BRK1: variants seen among roughly 807,000 people sequenced by gnomAD.
BRK1 encodes BRICK1 subunit of SCAR/WAVE actin nucleating complex.
BRK1 carries 6 observed loss-of-function variants against 9.9 expected under a neutral mutation model. The observed-to-expected ratio is 0.60, with a 90% CI of 0.33 to 1.19. The LOEUF (loss-of-function observed/expected upper bound fraction) is 1.19, where lower values mean the gene tolerates loss of function less well. BRK1 is among the 50% of genes most tolerant of loss of function. The pLI, the probability that BRK1 is intolerant of heterozygous loss-of-function variation, is 0.04. For synonymous variants in BRK1, 44 were observed against 31.9 expected, an observed-to-expected ratio of 1.38 and a Z score of -1.28; for missense variants, 62 against 97.5, an observed-to-expected ratio of 0.64 and a Z score of 1.53.
In BRK1 at chr3:10,115,740, C is replaced by T. The variant is rs946696831; in HGVS notation, c.39C>T (p.His13=). The T allele has an allele frequency of 1.2e-6, 2 of 1,613,228 alleles. No homozygotes were observed. The highest frequency in any genetic ancestry group is 1.7e-5 in the Admixed American group (1 of 59,968). ...GQEDPVQREI[H]QDWANREYIE... Reference sequence around the variant, plus strand: ...AGGATCCGGTGCAGCGGGAGATTCACCAGGACTGGGCTAACCGGGAGTACA... The same window carrying T: ...AGGATCCGGTGCAGCGGGAGATTCATCAGGACTGGGCTAACCGGGAGTACA... Residue 13 remains histidine, a synonymous_variant, in exon 1 of 3, where the codon CAC becomes CAT. Transcript: ENST00000530758.
intron 1 of BRK1, among the ~76,000 whole-genome samples, chr3:10,122,530 A>AC (rs1238872379): frequency 6.7e-6 from 1 of 150,106 alleles, no homozygotes; most frequent in Non-Finnish European, 1.5e-5. Context: ...ACAAAGTGAG[A>AC]CCCCCATATC....
chr3:10,125,795 G>A lies in BRK1; in HGVS notation c.201+87G>A, dbSNP rs1695831490. On this transcript the variant is annotated intron_variant, in intron 2 of 2. Transcript: ENST00000530758. ...AACCTGAAAGCAGAAACAGTCTTAGGAAACTTAAGCACTGGCCGGACATGG... is the reference window on the plus strand; with the variant it reads ...AACCTGAAAGCAGAAACAGTCTTAGAAAACTTAAGCACTGGCCGGACATGG... The A allele has an allele frequency of 3.9e-6, 4 of 1,029,538 alleles. No homozygotes were observed. The East Asian group carries it at 1.1e-4, about 27-fold the overall frequency. 63.8% of individuals were successfully genotyped at this position (1,029,538 alleles called of 1,614,324 possible).
At chr3:10,115,867 T>G (rs1575903409) in intron 1 of BRK1, 48 bp downstream of exon 1, 8 of 1,495,048 alleles carry the variant, frequency 5.4e-6, no homozygotes, top group Non-Finnish European at 7.5e-6. Context: ...GCCGCTGAGG[T>G]GGTTGGGCTG....
chr3:10,124,384 C>T lies in BRK1; in HGVS notation c.119-1242C>T, dbSNP rs949358043. 1.2e-4 allele frequency among the ~76,000 whole-genome samples: 18 copies of T among 151,808 alleles called. No homozygotes were observed. The East Asian group carries it at 2.1e-3, about 18-fold the overall frequency. ...CTGAGGCAGGAGAATCGCTTGAACC[C>T]GGGAGGCAGAGGTGGCAGTGAGCCA... On this transcript the variant is annotated intron_variant, in intron 1 of 2. Coordinates refer to ENST00000530758, the MANE Select transcript of BRK1 (RefSeq NM_018462.5).
At position 10,115,721 on chromosome 3, in the gene BRK1, C is replaced by G; in HGVS notation, c.20C>G (p.Pro7Arg). ...GCGGCCATGGCGGGACAGGAGGATC[C>G]GGTGCAGCGGGAGATTCACCAGGAC... MAGQED[P>R]VQREIHQDWA... is the part of the protein sequence containing the mutation. Residue 7 changes from proline (P) to arginine (R), a missense_variant, in exon 1 of 3, where the codon CCG becomes CGG. Physicochemically the swap from Pro to Arg is moderately radical, Grantham distance 103. Coordinates refer to ENST00000530758, the MANE Select transcript of BRK1 (RefSeq NM_018462.5). The G allele has an allele frequency of 6.2e-7, 1 of 1,613,882 alleles. No individual in the cohort carries two copies. Among genetic ancestry groups the G allele is most frequent in the Non-Finnish European group, 8.5e-7 (1 of 1,179,776 alleles).
At chr3:10,119,055 G>A (rs1407411206) in intron 1 of BRK1, among the ~76,000 whole-genome samples, 1 of 151,026 alleles carries the variant, frequency 6.6e-6, no homozygotes, top group Non-Finnish European at 1.5e-5. Context: ...TCTGTTGCCT[G>A]GAGTGCAGTG....
In BRK1 at chr3:10,126,286, A is replaced by G; in HGVS notation, c.219A>G (p.Thr73=). 1 of 1,561,296 alleles carries G rather than the reference A, an allele frequency of 6.4e-7. No homozygotes were observed. The highest frequency in any genetic ancestry group is 8.6e-7 in the Non-Finnish European group (1 of 1,156,546). ...YIEARVTKGE[T]LT is the part of the protein sequence containing the mutation. ...TTTCACAGGTGACAAAAGGTGAGAC[A>G]CTCACCTAGAACAGTGCCGTGCTGC... Residue 73 remains threonine, a synonymous_variant, in exon 3 of 3, where the codon ACA becomes ACG. Coordinates refer to ENST00000530758, the MANE Select transcript of BRK1 (RefSeq NM_018462.5).
intron 1 of BRK1, among the ~76,000 whole-genome samples, chr3:10,118,849 A>T (rs1575905089): frequency 6.6e-6 from 1 of 150,852 alleles, no homozygotes; most frequent in Non-Finnish European, 1.5e-5. Context: ...CTCCCCTTCC[A>T]CCTCTGCCAC....
chr3:10,122,115 G>A (rs1426932811), intron 1 of BRK1, among the ~76,000 whole-genome samples: 3 of 150,136 alleles, frequency 2.0e-5, no homozygotes, highest in East Asian at 2.0e-4. Flanking sequence ...GTAGGTATGG[G>A]GTTTCTCCAT....
At chr3:10,119,814 T>C (rs907079908) in intron 1 of BRK1, among the ~76,000 whole-genome samples, 3 of 152,212 alleles carry the variant, frequency 2.0e-5, no homozygotes, top group African/African-American at 4.8e-5. Flanking sequence ...AAAGGTAATA[T>C]ATGCAGAGAA....
chr3:10,121,606 A>G (rs1695756585), intron 1 of BRK1, among the ~76,000 whole-genome samples: 1 of 152,150 alleles, frequency 6.6e-6, no homozygotes, highest in African/African-American at 2.4e-5. Context: ...AAGAGGCAAT[A>G]TGTACTTCTT....
chr3:10,117,736 C>A (rs1695706325), intron 1 of BRK1, among the ~76,000 whole-genome samples: 1 of 152,034 alleles, frequency 6.6e-6, no homozygotes, highest in Non-Finnish European at 1.5e-5. Flanking sequence ...ATACAGAAGT[C>A]CAGTCTTTTG....
chr3:10,125,483 C>G, intron 1 of BRK1, 143 bp from the exon 2 acceptor site: 2 of 555,554 alleles, frequency 3.6e-6, no homozygotes, highest in Non-Finnish European at 6.5e-6. Context: ...CTCTAAGCAA[C>G]TGTGCTATGA....
At chr3:10,121,577 G>A (rs973454456) in intron 1 of BRK1, among the ~76,000 whole-genome samples, 6 of 151,820 alleles carry the variant, frequency 4.0e-5, no homozygotes, top group Non-Finnish European at 1.5e-5. Flanking sequence ...CTATGTACCA[G>A]GCAAGATGCT....
chr3:10,115,698 G>T lies in BRK1; in HGVS notation c.-4G>T, dbSNP rs752548068. On this transcript the variant is annotated 5_prime_UTR_variant, in exon 1 of 3. Transcript: ENST00000530758. ...GCGCAGTCGCTCTTCCTCAGGCGGC[G>T]GCCATGGCGGGACAGGAGGATCCGG... 1 of 1,612,850 alleles carries T rather than the reference G, an allele frequency of 6.2e-7. No homozygotes were observed.
At chr3:10,126,110 AAAGTT>A (rs1224631720) in intron 2 of BRK1, among the ~76,000 whole-genome samples, 154 bp from the exon 3 acceptor site, 1 of 152,176 alleles carries the variant, frequency 6.6e-6, no homozygotes, top group African/African-American at 2.4e-5. Context: ...AAAGAAGAGA[AAAGTT>A]AAGCATGTTG....
intron 1 of BRK1, among the ~76,000 whole-genome samples, chr3:10,119,022 G>GT (rs955450903): frequency 4.0e-5 from 6 of 149,976 alleles, no homozygotes; most frequent in South Asian, 2.1e-4. Flanking sequence ...TGTTTTGTTT[G>GT]TTTTTTTGAG....
chr3:10,121,736 C>CT lies in BRK1; in HGVS notation c.119-3877dup, dbSNP rs112279447. 0.18 allele frequency among the ~76,000 whole-genome samples: 26,381 copies of CT among 146,990 alleles called. 3,303 individuals are homozygous for CT. Among genetic ancestry groups the CT allele is most frequent in the African/African-American group, 0.36 (14,689 of 40,484 alleles). On this transcript the variant is annotated intron_variant, in intron 1 of 2. Coordinates refer to ENST00000530758, the MANE Select transcript of BRK1 (RefSeq NM_018462.5). ...CCTATTTCATTAAATATTCCTCAAACTTTTTTTTTTTTTAAGACAGAGTTT... is the reference window on the plus strand; with the variant it reads ...CCTATTTCATTAAATATTCCTCAAACTTTTTTTTTTTTTTAAGACAGAGTTT...
intron 2 of BRK1, among the ~76,000 whole-genome samples, chr3:10,125,924 C>T (rs1695833676): frequency 1.3e-5 from 2 of 151,976 alleles, no homozygotes; most frequent in South Asian, 4.2e-4. Context: ...AACCCCATCT[C>T]TACTAAAAAT....
Sources: allele counts gnomAD v4.1 joint callset (sites outside exome capture counted in the v4.1 genomes callset), GRCh38; gene constraint gnomAD v4.1.1; transcripts MANE v1.5; gene names NCBI Gene and HGNC (gene_info 2026-07-23, HGNC 2026-07-21).